Variants in SLC24A2 observed in about 807,000 individuals in gnomAD.
SLC24A2 encodes the protein solute carrier family 24 member 2.
SLC24A2 carries 36 observed loss-of-function variants against 62.0 expected under a neutral mutation model. The observed-to-expected ratio is 0.58, with a 90% confidence interval of 0.44 to 0.77. The LOEUF (loss-of-function observed/expected upper bound fraction) is 0.77, where lower values mean the gene tolerates loss of function less well. Ranked by LOEUF, SLC24A2 falls within the 30% of genes least tolerant of loss-of-function variation. The pLI is 0.00. For synonymous variants in SLC24A2, 358 were observed against 294.0 expected, an observed-to-expected ratio of 1.22 and a Z score of -2.23; for missense variants, 846 against 817.9, an observed-to-expected ratio of 1.03 and a Z score of -0.42.
At chr9:20,043,734 CT>C in the SLC24A2 span, among the ~76,000 whole-genome samples, 1 of 152,142 alleles carries the variant, frequency 6.6e-6, no homozygotes, top group Non-Finnish European at 1.5e-5. Context: ...GGAATTGCTT[CT>C]TATGGAGGAG....
chr9:20,104,199 T>G, the SLC24A2 span, among the ~76,000 whole-genome samples: 1 of 152,044 alleles, frequency 6.6e-6, no homozygotes, highest in South Asian at 2.1e-4. Context: ...TGGGACTATG[T>G]GAAAAGACCA....
the SLC24A2 span, among the ~76,000 whole-genome samples, chr9:20,072,335 G>A: frequency 1.3e-4 from 20 of 152,098 alleles, no homozygotes; most frequent in Admixed American, 2.0e-4. Context: ...AAGCAGATTA[G>A]AGTCTTGCCT....
chr9:19,521,949 C>A (rs549385162), intron 9 of SLC24A2, among the ~76,000 whole-genome samples: 1 of 151,262 alleles, frequency 6.6e-6, no homozygotes, highest in Non-Finnish European at 1.5e-5. Context: ...TCTAGCCTCA[C>A]GTGGAAGCTC....
chr9:20,004,840 T>A, the SLC24A2 span, among the ~76,000 whole-genome samples: 1 of 152,168 alleles, frequency 6.6e-6, no homozygotes, highest in Non-Finnish European at 1.5e-5. Flanking sequence ...TGGGATTTCA[T>A]AATTGAACCT....
intron 2 of SLC24A2, among the ~76,000 whole-genome samples, chr9:19,771,506 T>G (rs1217498543): frequency 1.3e-5 from 2 of 152,178 alleles, no homozygotes; most frequent in African/African-American, 4.8e-5. Flanking sequence ...ATAGTAAGCA[T>G]CAAAAGAGCA....
chr9:19,634,721 C>CATCT (rs999591039), intron 2 of SLC24A2, among the ~76,000 whole-genome samples: 2 of 152,166 alleles, frequency 1.3e-5, no homozygotes, highest in African/African-American at 2.4e-5. Context: ...AAATAGAAGT[C>CATCT]ATCTAATCTT....
intron 4 of SLC24A2, among the ~76,000 whole-genome samples, chr9:19,607,819 C>G (rs1837036110): frequency 6.6e-6 from 1 of 151,602 alleles, no homozygotes; most frequent in African/African-American, 2.4e-5. Flanking sequence ...AGAGAGGGAA[C>G]TTTTCTCATA....
chr9:19,740,660 G>A (rs192665524), intron 2 of SLC24A2, among the ~76,000 whole-genome samples: 8 of 152,224 alleles, frequency 5.3e-5, no homozygotes, highest in Admixed American at 5.2e-4. Flanking sequence ...AATTCATTGA[G>A]CTGTAACTAA....
chr9:19,572,068 G>A (rs1446397103), intron 7 of SLC24A2, among the ~76,000 whole-genome samples: 2 of 147,780 alleles, frequency 1.4e-5, no homozygotes, highest in Non-Finnish European at 3.0e-5. Context: ...TCAGAAGTTC[G>A]AGACCAGCCT....
rs551964478 is a variant in SLC24A2, at chr9:19,632,586, C to T, written c.931-10287G>A. ...TACAGTTGAAATACTGGGCTAAATGCTCATTCATAATCTTAGGTGGCAGGT... is the reference window on the plus strand; with the variant it reads ...TACAGTTGAAATACTGGGCTAAATGTTCATTCATAATCTTAGGTGGCAGGT... On this transcript the variant is annotated intron_variant, in intron 2 of 10. Transcript: ENST00000341998. This position sits in a 1 kb window ranked among gnomAD's most constrained non-coding sequence, Gnocchi z 4.5. 6.4e-4 allele frequency among the ~76,000 whole-genome samples: 97 copies of T among 152,266 alleles called. No individual in the cohort carries two copies. Among genetic ancestry groups the T allele is most frequent in the Non-Finnish European group, 1.2e-3 (85 of 68,018 alleles).
At chr9:20,115,948 G>A in the SLC24A2 span, among the ~76,000 whole-genome samples, 1 of 152,102 alleles carries the variant, frequency 6.6e-6, no homozygotes, top group African/African-American at 2.4e-5. Flanking sequence ...TTTTTTATCT[G>A]AGAAAATTAT....
At chr9:20,172,013 C>A in the SLC24A2 span, among the ~76,000 whole-genome samples, 1 of 151,974 alleles carries the variant, frequency 6.6e-6, no homozygotes, top group African/African-American at 2.4e-5. Flanking sequence ...ATATCAAGCA[C>A]TCTCTCAGAC....
chr9:20,096,739 T>C, the SLC24A2 span, among the ~76,000 whole-genome samples: 2 of 136,142 alleles, frequency 1.5e-5, no homozygotes, highest in African/African-American at 2.9e-5. Context: ...TTGGCTTGGA[T>C]TGAATATTCT....
chr9:19,762,948 T>G (rs1202017622), intron 2 of SLC24A2, among the ~76,000 whole-genome samples: 1 of 152,174 alleles, frequency 6.6e-6, no homozygotes, highest in East Asian at 1.9e-4. Flanking sequence ...TTCCTATCCA[T>G]GAGCACGGAA....
the SLC24A2 span, among the ~76,000 whole-genome samples, chr9:20,199,875 T>A: frequency 2.0e-5 from 3 of 149,876 alleles, no homozygotes; most frequent in Admixed American, 6.7e-5. Context: ...CCCACCATTA[T>A]GCCTGGCTAA....
At chr9:19,681,045 G>T (rs1286436572) in intron 2 of SLC24A2, among the ~76,000 whole-genome samples, 1 of 151,984 alleles carries the variant, frequency 6.6e-6, no homozygotes, top group African/African-American at 2.4e-5. Context: ...ACAAAATGTT[G>T]TCAGAATATA....
the SLC24A2 span, among the ~76,000 whole-genome samples, chr9:20,005,461 T>TG: frequency 5.3e-5 from 8 of 152,202 alleles, no homozygotes; most frequent in Non-Finnish European, 1.5e-5. Context: ...GCTGATATTG[T>TG]ACCCATTTTA....
At chr9:20,037,709 C>T in the SLC24A2 span, among the ~76,000 whole-genome samples, 18 of 152,200 alleles carry the variant, frequency 1.2e-4, no homozygotes, top group African/African-American at 3.4e-4. Flanking sequence ...GCATTTTTGC[C>T]TCCCAAGAAA....
At chr9:19,945,816 T>A in the SLC24A2 span, among the ~76,000 whole-genome samples, 1 of 152,222 alleles carries the variant, frequency 6.6e-6, no homozygotes, top group Non-Finnish European at 1.5e-5. Context: ...ACAGTGTGAA[T>A]AAACTGGTTT....
Sources: allele counts gnomAD v4.1 joint callset (sites outside exome capture counted in the v4.1 genomes callset), GRCh38; gene constraint gnomAD v4.1.1; non-coding constraint Gnocchi (gnomAD v3.1); transcripts MANE v1.5; gene names NCBI Gene and HGNC (gene_info 2026-07-23, HGNC 2026-07-21).